PSD3: variants seen among roughly 807,000 people sequenced by gnomAD.
PSD3 encodes the protein PH and SEC7 domain-containing protein 3.
A neutral mutation model predicts 105.5 loss-of-function variants in PSD3; 49 were observed. That is an observed-to-expected ratio of 0.46 (90% CI 0.37 to 0.59). The LOEUF is 0.59. PSD3 is among the 20% of genes least tolerant of loss of function. PSD3 has a pLI of 0.00. For missense variants in PSD3, 1,561 were observed against 1,263.8 expected (o/e 1.24, Z -3.57); for synonymous variants, 557 against 457.8 (o/e 1.22, Z -2.77).
intron 1 of PSD3, among the ~76,000 whole-genome samples, chr8:19,071,080 G>A (rs946158609): frequency 2.6e-5 from 4 of 151,730 alleles, no homozygotes; most frequent in African/African-American, 9.7e-5. Flanking sequence ...GGGTAGGGGG[G>A]TTGGAGTCTT....
chr8:18,989,448 T>C (rs889999324), intron 1 of PSD3: 6 of 152,288 alleles, frequency 3.9e-5, no homozygotes, highest in Admixed American at 1.3e-4. Flanking sequence ...ATTTTTAACA[T>C]GTAGAAGAGC....
At chr8:19,002,576 A>G (rs893936882) in intron 1 of PSD3, among the ~76,000 whole-genome samples, 1 of 152,076 alleles carries the variant, frequency 6.6e-6, no homozygotes, top group Admixed American at 6.6e-5. Context: ...CTGAAAGTTA[A>G]AAGTTGAAAA....
chr8:18,622,261 G>T (rs1192216409), intron 11 of PSD3, among the ~76,000 whole-genome samples: 1 of 152,190 alleles, frequency 6.6e-6, no homozygotes, highest in African/African-American at 2.4e-5. Flanking sequence ...AAAGTGATAT[G>T]TCCACACAAT....
intron 1 of PSD3, among the ~76,000 whole-genome samples, chr8:18,954,192 C>A (rs563655222): frequency 1.3e-5 from 2 of 151,824 alleles, no homozygotes; most frequent in South Asian, 4.2e-4. Flanking sequence ...AATATTAACA[C>A]GGCACATAAA....
chr8:18,684,442 T>G (rs1800553849), intron 9 of PSD3, among the ~76,000 whole-genome samples: 2 of 152,098 alleles, frequency 1.3e-5, no homozygotes, highest in African/African-American at 4.8e-5. Context: ...GGAACGTAGC[T>G]GAATTTCCAC....
chr8:18,965,891 T>C (rs957112705), intron 1 of PSD3, among the ~76,000 whole-genome samples: 31 of 152,242 alleles, frequency 2.0e-4, no homozygotes, highest in Non-Finnish European at 4.0e-4. Flanking sequence ...GTTAAGCTCC[T>C]GGTAATATAA....
intron 4 of PSD3, chr8:18,849,697 T>C (rs1815413260): frequency 6.6e-6 from 1 of 152,256 alleles, no homozygotes; most frequent in African/African-American, 2.4e-5. Context: ...AGTGACCTTC[T>C]GCAATGAATC....
chr8:18,840,166 A>C (rs1413786356), intron 4 of PSD3, among the ~76,000 whole-genome samples: 3 of 152,206 alleles, frequency 2.0e-5, no homozygotes, highest in Non-Finnish European at 4.4e-5. Context: ...GAATAAAGCC[A>C]GAAGAGTTTA....
chr8:19,009,623 C>T (rs191306725), intron 1 of PSD3, among the ~76,000 whole-genome samples: 1 of 152,320 alleles, frequency 6.6e-6, no homozygotes, highest in Non-Finnish European at 1.5e-5. Context: ...GGCCTGGTGG[C>T]TCATGCCTGT....
At chr8:18,991,997 C>T (rs1362640036) in intron 1 of PSD3, among the ~76,000 whole-genome samples, 2 of 152,144 alleles carry the variant, frequency 1.3e-5, no homozygotes, top group African/African-American at 4.8e-5. Flanking sequence ...AAAACTAATA[C>T]GTTTGCCCAA....
chr8:18,850,046 G>A (rs1208925053), intron 4 of PSD3, among the ~76,000 whole-genome samples: 1 of 152,190 alleles, frequency 6.6e-6, no homozygotes, highest in Non-Finnish European at 1.5e-5. Flanking sequence ...TGTCATCTAG[G>A]AATTCAGTCT....
chr8:18,613,830 C>G (rs1016434876), intron 11 of PSD3, among the ~76,000 whole-genome samples: 4 of 152,176 alleles, frequency 2.6e-5, no homozygotes, highest in Non-Finnish European at 4.4e-5. Context: ...ACCACCACAA[C>G]CATGATATCC....
intron 1 of PSD3, among the ~76,000 whole-genome samples, chr8:19,082,840 C>A (rs1233588482): frequency 6.6e-6 from 1 of 152,178 alleles, no homozygotes; most frequent in Non-Finnish European, 1.5e-5. Context: ...ATGAGAGATG[C>A]AAGAATTAGG....
chr8:18,818,235 G>A (rs531503804), intron 4 of PSD3, among the ~76,000 whole-genome samples: 9 of 152,246 alleles, frequency 5.9e-5, no homozygotes, highest in Admixed American at 2.6e-4. Context: ...GATTACAGAC[G>A]TGAGCCACCG....
chr8:18,752,324 C>G (rs1805558655), intron 9 of PSD3, among the ~76,000 whole-genome samples: 1 of 148,426 alleles, frequency 6.7e-6, no homozygotes, highest in South Asian at 2.1e-4. Flanking sequence ...CTGATCTGTT[C>G]TAAGAATTAC....
intron 11 of PSD3, among the ~76,000 whole-genome samples, chr8:18,604,237 G>T (rs936141179): frequency 1.3e-5 from 2 of 152,216 alleles, no homozygotes; most frequent in African/African-American, 4.8e-5. Context: ...CAAGGACACA[G>T]ATGGAAATGA....
At chr8:18,632,841 A>G (rs368937097) in intron 10 of PSD3, 35 bp from the exon 11 acceptor site, 238 of 1,437,518 alleles carry the variant, frequency 1.7e-4, no homozygotes, top group Admixed American at 4.1e-4. Context: ...TGAGTCAAGC[A>G]CCTATCATAA....
chr8:18,775,836 G>A (rs548697890), intron 8 of PSD3, among the ~76,000 whole-genome samples: 2 of 152,032 alleles, frequency 1.3e-5, no homozygotes, highest in African/African-American at 2.4e-5. Flanking sequence ...AGCTTGATGG[G>A]ACACCACATC....
At chr8:18,704,017 A>T (rs1271313335) in intron 9 of PSD3, among the ~76,000 whole-genome samples, 4 of 152,202 alleles carry the variant, frequency 2.6e-5, no homozygotes, top group Non-Finnish European at 5.9e-5. Context: ...GGCAGATAAG[A>T]TCTTTAAAAA....
Sources: gnomAD v4.1 joint callset for allele counts (sites outside exome capture counted in the v4.1 genomes callset) on GRCh38, gnomAD v4.1.1 for gene constraint, MANE v1.5 for transcripts, NCBI Gene and HGNC (gene_info 2026-07-23, HGNC 2026-07-21) for gene names.